XRCC4: variants seen among roughly 807,000 people sequenced by gnomAD.
XRCC4 encodes X-ray repair cross complementing 4.
Under a neutral mutation model 39.1 loss-of-function variants are expected in XRCC4, and 28 were observed. The ratio of observed to expected loss-of-function variants is 0.72; its 90% confidence interval spans 0.53 to 0.98. The LOEUF is 0.98. Among genes scored for constraint, XRCC4 ranks in the 50% least tolerant of loss-of-function variants. XRCC4 has a pLI of 0.00. For synonymous variants in XRCC4, 123 were observed against 126.4 expected (o/e 0.97, Z 0.18); for missense variants, 350 against 376.4 (o/e 0.93, Z 0.58).
At chr5:83,116,775 C>T (rs1746744257) in intron 3 of XRCC4, among the ~76,000 whole-genome samples, 1 of 151,924 alleles carries the variant, frequency 6.6e-6, no homozygotes, top group South Asian at 2.1e-4. Flanking sequence ...GTGCATGTCA[C>T]CATGCCCAGC....
At chr5:83,184,474 A>C (rs950769621) in intron 3 of XRCC4, among the ~76,000 whole-genome samples, 12 of 152,212 alleles carry the variant, frequency 7.9e-5, no homozygotes, top group African/African-American at 2.9e-4. Flanking sequence ...GGAAGGAGCT[A>C]GAATTTTATA....
intron 7 of XRCC4, among the ~76,000 whole-genome samples, chr5:83,347,622 T>C (rs1178919105): frequency 3.9e-5 from 6 of 152,178 alleles, no homozygotes; most frequent in African/African-American, 1.4e-4. Flanking sequence ...CATTGGGGAT[T>C]ACACTTCAAC....
At chr5:83,125,552 CT>C (rs1747217818) in intron 3 of XRCC4, among the ~76,000 whole-genome samples, 1 of 152,132 alleles carries the variant, frequency 6.6e-6, no homozygotes, top group African/African-American at 2.4e-5. Flanking sequence ...CATTAAATTG[CT>C]TTTGCATCTT....
At chr5:83,280,429 G>T (rs947608286) in intron 7 of XRCC4, 3 of 654,264 alleles carry the variant, frequency 4.6e-6, no homozygotes, top group Admixed American at 2.3e-5. Flanking sequence ...TAATGGTGCC[G>T]CAATTTTGAA....
intron 7 of XRCC4, 53 bp from the exon 8 acceptor site, chr5:83,353,078 T>G (rs778995407): frequency 2.1e-6 from 3 of 1,417,202 alleles, no homozygotes; most frequent in Non-Finnish European, 1.9e-6. Context: ...TCTTTTACTC[T>G]ATAACAGAAG....
intron 7 of XRCC4, among the ~76,000 whole-genome samples, chr5:83,316,350 C>T (rs1024497479): frequency 6.6e-6 from 1 of 152,038 alleles, no homozygotes; most frequent in Non-Finnish European, 1.5e-5. Context: ...TCACACATAA[C>T]AATATTAACT....
chr5:83,335,510 A>G (rs573426619), intron 7 of XRCC4, among the ~76,000 whole-genome samples: 1 of 152,122 alleles, frequency 6.6e-6, no homozygotes, highest in Admixed American at 6.5e-5. Context: ...AGAACTTGAA[A>G]TGGATTTTTA....
chr5:83,361,102 G>A, the XRCC4 span, among the ~76,000 whole-genome samples: 24 of 152,074 alleles, frequency 1.6e-4, no homozygotes, highest in Non-Finnish European at 2.8e-4. Context: ...TATTTTCTCT[G>A]AACTTGAGTT....
At chr5:83,256,188 G>A (rs1483094674) in intron 6 of XRCC4, among the ~76,000 whole-genome samples, 1 of 152,154 alleles carries the variant, frequency 6.6e-6, no homozygotes, top group Non-Finnish European at 1.5e-5. Flanking sequence ...GATCCCATCA[G>A]CCTGCTTCTG....
At chr5:83,151,511 TA>T (rs1228802252) in intron 3 of XRCC4, among the ~76,000 whole-genome samples, 1 of 152,120 alleles carries the variant, frequency 6.6e-6, no homozygotes, top group Non-Finnish European at 1.5e-5. Flanking sequence ...TATCAGGCCT[TA>T]AAAGCTGACC....
chr5:83,339,107 C>T (rs1430165891), intron 7 of XRCC4, among the ~76,000 whole-genome samples: 1 of 152,138 alleles, frequency 6.6e-6, no homozygotes, highest in Non-Finnish European at 1.5e-5. Flanking sequence ...GTTTTAAAAG[C>T]CTTCTGCCTT....
At chr5:83,371,753 G>C in the XRCC4 span, among the ~76,000 whole-genome samples, 1 of 152,200 alleles carries the variant, frequency 6.6e-6, no homozygotes, top group Non-Finnish European at 1.5e-5. Flanking sequence ...GTTGATGCAG[G>C]AAGGAGAAGG....
intron 6 of XRCC4, among the ~76,000 whole-genome samples, chr5:83,218,014 ATTTAAC>A (rs1156383572): frequency 6.6e-6 from 1 of 151,502 alleles, no homozygotes; most frequent in African/African-American, 2.4e-5. Context: ...GTGGTCGCTT[ATTTAAC>A]TTAAACATTT....
intron 6 of XRCC4, among the ~76,000 whole-genome samples, chr5:83,253,245 A>G (rs1753395078): frequency 2.0e-5 from 3 of 152,206 alleles, no homozygotes; most frequent in Non-Finnish European, 4.4e-5. Flanking sequence ...AGATGTGGTT[A>G]CAAAGGCAGG....
At chr5:83,208,184 G>A (rs561515881) in intron 6 of XRCC4, among the ~76,000 whole-genome samples, 19 of 152,096 alleles carry the variant, frequency 1.2e-4, no homozygotes, top group Non-Finnish European at 2.4e-4. Flanking sequence ...GGATCATTTA[G>A]TAATACGAAG....
intron 7 of XRCC4, among the ~76,000 whole-genome samples, chr5:83,271,216 C>T (rs966879145): frequency 3.3e-5 from 5 of 151,970 alleles, no homozygotes; most frequent in African/African-American, 9.7e-5. Flanking sequence ...TAATCCTGTC[C>T]TACATTTGAA....
intron 6 of XRCC4, among the ~76,000 whole-genome samples, chr5:83,257,792 G>A (rs1182477189): frequency 6.6e-6 from 1 of 152,076 alleles, no homozygotes; most frequent in Non-Finnish European, 1.5e-5. Context: ...CAACCGAAAT[G>A]CCCATCAATG....
chr5:83,252,050 A>G (rs988470622), intron 6 of XRCC4, among the ~76,000 whole-genome samples: 3 of 152,218 alleles, frequency 2.0e-5, no homozygotes, highest in African/African-American at 7.2e-5. Context: ...AAGATAGGTA[A>G]CTTTGAGATA....
chr5:83,357,706 G>A (rs537075018), downstream of XRCC4, among the ~76,000 whole-genome samples: 3 of 152,316 alleles, frequency 2.0e-5, no homozygotes, highest in Admixed American at 2.0e-4. Flanking sequence ...AGTTCTAACT[G>A]GCACTTCCTT....
Sources: allele counts gnomAD v4.1 joint callset (sites outside exome capture counted in the v4.1 genomes callset), GRCh38; gene constraint gnomAD v4.1.1; transcripts MANE v1.5; gene names NCBI Gene and HGNC (gene_info 2026-07-23, HGNC 2026-07-21).